The following KHDRBS2 variants were observed in gnomAD, a reference collection of about 807,000 sequenced individuals.
The protein encoded by KHDRBS2 is KH RNA binding domain containing, signal transduction associated 2.
In KHDRBS2, 26 loss-of-function variants were observed where a neutral mutation model predicts 44.3. The ratio of observed to expected loss-of-function variants is 0.59; its 90% CI spans 0.43 to 0.81. The LOEUF is 0.81. KHDRBS2 is among the 40% of genes least tolerant of loss of function. The probability of loss-of-function intolerance (pLI) is 0.00; values close to 1 mark genes in which losing one functional copy is unlikely to be tolerated. For missense variants in KHDRBS2, 476 were observed against 433.1 expected, an observed-to-expected ratio of 1.10 and a Z score of -0.88; for synonymous variants, 194 against 151.1, an observed-to-expected ratio of 1.28 and a Z score of -2.08.
chr6:61,666,570 C>A, the KHDRBS2 span, among the ~76,000 whole-genome samples: 1 of 151,324 alleles, frequency 6.6e-6, no homozygotes. Flanking sequence ...GTACACCAGA[C>A]CCTGAAGTGT....
At chr6:62,063,408 G>A (rs1240351780) in intron 2 of KHDRBS2, among the ~76,000 whole-genome samples, 1 of 151,412 alleles carries the variant, frequency 6.6e-6, no homozygotes, top group African/African-American at 2.4e-5. Context: ...GAATCCAGCA[G>A]GACATCAAAA....
At chr6:61,683,623 G>C (rs185691956) in intron 8 of KHDRBS2, among the ~76,000 whole-genome samples, 2 of 151,922 alleles carry the variant, frequency 1.3e-5, no homozygotes, top group African/African-American at 4.8e-5. Flanking sequence ...ATTTGTTATA[G>C]AGTTAAAGAT....
chr6:62,252,210 G>A (rs768482050), intron 1 of KHDRBS2, among the ~76,000 whole-genome samples: 10 of 151,706 alleles, frequency 6.6e-5, no homozygotes, highest in East Asian at 5.8e-4. Flanking sequence ...AGATTTACTC[G>A]AGAAGAACAT....
intron 6 of KHDRBS2, among the ~76,000 whole-genome samples, chr6:61,869,441 G>A (rs1048527377): frequency 2.6e-5 from 4 of 152,142 alleles, no homozygotes; most frequent in African/African-American, 9.7e-5. Flanking sequence ...TAAAAACTGA[G>A]AGACTTACTA....
chr6:62,160,851 T>C (rs1032115590), intron 2 of KHDRBS2, among the ~76,000 whole-genome samples: 3 of 152,136 alleles, frequency 2.0e-5, no homozygotes, highest in Non-Finnish European at 4.4e-5. Flanking sequence ...TTTACCATTT[T>C]TAAGTATACA....
chr6:61,788,451 C>A (rs1244090450), intron 6 of KHDRBS2, among the ~76,000 whole-genome samples: 2 of 151,310 alleles, frequency 1.3e-5, no homozygotes. Context: ...TTTTATCATG[C>A]AAAATATGTA....
At chr6:61,577,242 A>T in the KHDRBS2 span, among the ~76,000 whole-genome samples, 12 of 151,556 alleles carry the variant, frequency 7.9e-5, no homozygotes, top group East Asian at 2.1e-3. Flanking sequence ...CAGGATCACT[A>T]CTCTTCACTT....
intron 3 of KHDRBS2, among the ~76,000 whole-genome samples, chr6:62,038,055 C>T (rs1785663549): frequency 6.6e-6 from 1 of 151,876 alleles, no homozygotes. Context: ...GCTTAACTGC[C>T]ACAATGGAAC....
intron 2 of KHDRBS2, among the ~76,000 whole-genome samples, chr6:62,102,267 CT>C (rs1386776450): frequency 6.6e-6 from 1 of 152,160 alleles, no homozygotes; most frequent in Non-Finnish European, 1.5e-5. Context: ...TTAGTCTCTT[CT>C]CACATTGCTA....
At chr6:62,103,313 G>A (rs1244030498) in intron 2 of KHDRBS2, among the ~76,000 whole-genome samples, 1 of 152,122 alleles carries the variant, frequency 6.6e-6, no homozygotes, top group African/African-American at 2.4e-5. Flanking sequence ...CCACGTGAAG[G>A]GGAACAGCCT....
At position 61,756,585 on chromosome 6, in the gene KHDRBS2, G is replaced by A. The variant is rs189077811; in HGVS notation, c.811-23821C>T. ...TCATTATGAATTTTAGTGTTTCAGAGTTTACATATGAGTAATCTTGGACAC... is the reference window on the plus strand; with the variant it reads ...TCATTATGAATTTTAGTGTTTCAGAATTTACATATGAGTAATCTTGGACAC... On this transcript the variant is annotated intron_variant, in intron 6 of 8. Transcript: ENST00000281156. 2.6e-5 allele frequency among the ~76,000 whole-genome samples: 4 copies of A among 152,292 alleles called. No homozygotes were observed. The East Asian group carries it at 7.7e-4, about 29-fold the overall frequency.
intron 2 of KHDRBS2, among the ~76,000 whole-genome samples, chr6:62,071,464 A>C (rs1442738386): frequency 6.6e-6 from 1 of 152,150 alleles, no homozygotes; most frequent in Non-Finnish European, 1.5e-5. Context: ...TAGGATTTTT[A>C]TGGTTTTAGG....
At chr6:61,632,895 T>C in the KHDRBS2 span, among the ~76,000 whole-genome samples, 3,720 of 152,248 alleles carry the variant, frequency 0.024, 70 homozygotes, top group Middle Eastern at 0.088. Flanking sequence ...TCTCTTTGCT[T>C]AAAAATTCTA....
At chr6:61,812,217 G>A (rs1406582139) in intron 6 of KHDRBS2, among the ~76,000 whole-genome samples, 9 of 151,606 alleles carry the variant, frequency 5.9e-5, no homozygotes, top group Admixed American at 5.9e-4. Context: ...AGACAAGACA[G>A]CCTTTCAGCA....
At chr6:62,244,861 T>C (rs571085047) in intron 1 of KHDRBS2, among the ~76,000 whole-genome samples, 2 of 152,222 alleles carry the variant, frequency 1.3e-5, no homozygotes, top group African/African-American at 4.8e-5. Context: ...TTTGTGATTT[T>C]GAATAAAATA....
At chr6:61,960,696 T>G (rs1310370968) in intron 4 of KHDRBS2, among the ~76,000 whole-genome samples, 1 of 152,160 alleles carries the variant, frequency 6.6e-6, no homozygotes, top group Non-Finnish European at 1.5e-5. Flanking sequence ...TCTAAGCATT[T>G]TAACAAATTT....
intron 6 of KHDRBS2, among the ~76,000 whole-genome samples, 188 bp downstream of exon 6, chr6:61,894,447 C>T (rs1267193575): frequency 1.3e-5 from 2 of 152,144 alleles, no homozygotes; most frequent in East Asian, 3.9e-4. Flanking sequence ...AGTGATGACA[C>T]CTGTAAAATG....
chr6:62,225,570 T>C (rs1447606050), intron 1 of KHDRBS2, among the ~76,000 whole-genome samples: 3 of 152,204 alleles, frequency 2.0e-5, no homozygotes, highest in South Asian at 2.1e-4. Context: ...GTGCAGAACA[T>C]GTAGGGTTGT....
intron 6 of KHDRBS2, among the ~76,000 whole-genome samples, chr6:61,784,532 A>C (rs1783489461): frequency 6.6e-6 from 1 of 152,000 alleles, no homozygotes; most frequent in Non-Finnish European, 1.5e-5. Flanking sequence ...TTAATCTGGA[A>C]ATTTATATGG....
Sources: allele counts gnomAD v4.1 joint callset (sites outside exome capture counted in the v4.1 genomes callset), GRCh38; gene constraint gnomAD v4.1.1; transcripts MANE v1.5; gene names NCBI Gene and HGNC (gene_info 2026-07-23, HGNC 2026-07-21).